SLC9A8: variants seen among roughly 807,000 people sequenced by gnomAD.
SLC9A8 encodes the protein solute carrier family 9 member A8.
SLC9A8 carries 48 observed loss-of-function variants against 66.6 expected under a neutral mutation model. The observed-to-expected ratio is 0.72, with a 90% CI of 0.57 to 0.92. The LOEUF is 0.92. Among genes scored for constraint, SLC9A8 ranks in the 40% least tolerant of loss-of-function variants. The pLI is 0.00. For synonymous variants in SLC9A8, 274 were observed against 282.6 expected (o/e 0.97, Z 0.31); for missense variants, 599 against 747.3 (o/e 0.80, Z 2.31).
intron 7 of SLC9A8, among the ~76,000 whole-genome samples, chr20:49,854,915 G>A (rs1048697729): frequency 1.3e-5 from 2 of 152,308 alleles, no homozygotes; most frequent in Non-Finnish European, 2.9e-5. Flanking sequence ...GCCCAGTTGG[G>A]AGATGGCCTC....
intron 2 of SLC9A8, 40 bp from the exon 3 acceptor site, chr20:49,823,021 G>C: frequency 6.6e-7 from 1 of 1,503,926 alleles, no homozygotes; most frequent in Non-Finnish European, 9.3e-7. Flanking sequence ...TCAGAATTGA[G>C]TGTTTTTTTT....
At chr20:49,830,386 T>C in intron 3 of SLC9A8, 1 of 840,616 alleles carries the variant, frequency 1.2e-6, no homozygotes, top group Non-Finnish European at 2.1e-6. Context: ...GCTGAAGTCC[T>C]CTCAACCTGT....
At chr20:49,825,563 G>A (rs1192769956) in intron 3 of SLC9A8, among the ~76,000 whole-genome samples, 1 of 152,140 alleles carries the variant, frequency 6.6e-6, no homozygotes, top group Admixed American at 6.5e-5. Context: ...AACCACTTGA[G>A]TCCAGGAGGC....
intron 2 of SLC9A8, among the ~76,000 whole-genome samples, chr20:49,816,374 C>T (rs1457506636): frequency 1.3e-5 from 2 of 151,490 alleles, no homozygotes; most frequent in Non-Finnish European, 2.9e-5. Flanking sequence ...GAGCCAAGAT[C>T]GTGCCACTGT....
At position 49,817,274 on chromosome 20, in the gene SLC9A8, G is replaced by A. The variant is rs183113242; in HGVS notation, c.208+2085G>A. On this transcript the variant is annotated intron_variant, in intron 2 of 15. Coordinates refer to ENST00000361573, the MANE Select transcript of SLC9A8 (RefSeq NM_015266.3). Reference sequence around the variant, plus strand: ...AGAGGTTGCAGTAAGCCGAGATCGCGCCACTGCACTCCAGCCTGAGTGACA... The same window carrying A: ...AGAGGTTGCAGTAAGCCGAGATCGCACCACTGCACTCCAGCCTGAGTGACA... Among the ~76,000 whole-genome samples the A allele has an allele frequency of 4.7e-3, 713 of 151,820 alleles. 3 individuals carry two copies. Among genetic ancestry groups the A allele is most frequent in the African/African-American group, 0.017 (697 of 41,438 alleles).
At chr20:49,819,855 T>C (rs2086672532) in intron 2 of SLC9A8, among the ~76,000 whole-genome samples, 1 of 152,240 alleles carries the variant, frequency 6.6e-6, no homozygotes. Flanking sequence ...AGATTCATGT[T>C]ATAGCATATG....
chr20:49,817,161 A>G (rs6095677), intron 2 of SLC9A8, among the ~76,000 whole-genome samples: 12,989 of 151,798 alleles, frequency 0.086, 660 homozygotes, highest in Middle Eastern at 0.12. Flanking sequence ...TAAAAATACA[A>G]AAAATTTTAG....
chr20:49,872,054 G>A (rs181556226), intron 10 of SLC9A8, among the ~76,000 whole-genome samples: 7 of 152,258 alleles, frequency 4.6e-5, no homozygotes, highest in Admixed American at 6.5e-5. Context: ...GGGAGGCGGA[G>A]GTTGCATTGA....
intron 3 of SLC9A8, among the ~76,000 whole-genome samples, chr20:49,837,652 C>T (rs1327477717): frequency 1.3e-5 from 2 of 152,124 alleles, no homozygotes; most frequent in East Asian, 1.9e-4. Context: ...TCACTGCAAC[C>T]TCTGCCTCCT....
chr20:49,855,435 C>A lies in SLC9A8; in HGVS notation c.570-3C>A. ...AATCTCCCCTTCCCTCTGTCTCTTACAGTTTTGCGTTTGGCTCCCTAATAT... is the reference window on the plus strand; with the variant it reads ...AATCTCCCCTTCCCTCTGTCTCTTAAAGTTTTGCGTTTGGCTCCCTAATAT... On this transcript the variant is annotated splice_polypyrimidine_tract_variant and splice_region_variant and intron_variant, in intron 7 of 15. Transcript: ENST00000361573. 6.2e-7 allele frequency: 1 copy of A among 1,613,916 alleles called. No homozygotes were observed. Among genetic ancestry groups the A allele is most frequent in the South Asian group, 1.1e-5 (1 of 91,068 alleles).
intron 10 of SLC9A8, among the ~76,000 whole-genome samples, chr20:49,873,007 C>T (rs1271807077): frequency 2.0e-5 from 3 of 152,154 alleles, no homozygotes; most frequent in Non-Finnish European, 4.4e-5. Context: ...CTGTGAGTTC[C>T]TCAGGAGTGA....
intron 3 of SLC9A8, among the ~76,000 whole-genome samples, chr20:49,828,580 G>A (rs2087020751): frequency 6.7e-6 from 1 of 149,784 alleles, no homozygotes; most frequent in Non-Finnish European, 1.5e-5. Flanking sequence ...GCTCATGCCT[G>A]TAATCCCAGC....
Position 49,891,870 on chromosome 20 carries a change from A to C in SLC9A8, c.*3934A>C, listed in dbSNP as rs1004615307. 1.3e-5 allele frequency: 2 copies of C among 152,264 alleles called. No homozygotes were observed. The highest frequency in any genetic ancestry group is 2.9e-5 in the Non-Finnish European group (2 of 68,054). 9.4% of individuals were successfully genotyped at this position (152,264 alleles called of 1,614,324 possible). A position where few individuals can be genotyped will look rare whatever the true frequency, so the allele number is the denominator to read the frequency against. The stretch of plus-strand genomic sequence containing the variant: ...CAAATCTTGAATCGTCCTCAAAATG[A>C]CGAAGCTTGAATTGTCCTCAAGATG... On this transcript the variant is annotated 3_prime_UTR_variant, in exon 16 of 16. Transcript: ENST00000361573.
chr20:49,842,303 C>G (rs2046460985), intron 4 of SLC9A8, among the ~76,000 whole-genome samples: 2 of 151,636 alleles, frequency 1.3e-5, no homozygotes, highest in Admixed American at 1.3e-4. Context: ...CTCCTGACCT[C>G]ATGATCCATC....
intron 5 of SLC9A8, 83 bp downstream of exon 5, chr20:49,845,202 AT>A: frequency 2.0e-6 from 2 of 995,452 alleles, no homozygotes; most frequent in Non-Finnish European, 3.2e-6. Flanking sequence ...CTTGGGTATA[AT>A]TTAGCAGCAG....
At chr20:49,818,479 A>ATTTTT (rs758928369) in intron 2 of SLC9A8, among the ~76,000 whole-genome samples, 1 of 125,026 alleles carries the variant, frequency 8.0e-6, no homozygotes, top group Admixed American at 8.1e-5. Context: ...CAAACATTGA[A>ATTTTT]TTTTTTTTTT....
intron 13 of SLC9A8, among the ~76,000 whole-genome samples, chr20:49,882,958 C>T (rs966107864): frequency 2.6e-5 from 4 of 152,002 alleles, no homozygotes; most frequent in Admixed American, 6.5e-5. Flanking sequence ...AGCCTCCCCG[C>T]TTTCCTGTCT....
chr20:49,830,655 T>A (rs1176452055), intron 3 of SLC9A8: 3 of 642,728 alleles, frequency 4.7e-6, no homozygotes, highest in Non-Finnish European at 8.5e-6. Flanking sequence ...CAGGGGCCTA[T>A]AGGAGGACTG....
In SLC9A8 at chr20:49,815,201, C is replaced by A; in HGVS notation, c.208+12C>A. The A allele has an allele frequency of 6.6e-7, 1 of 1,511,336 alleles. No individual in the cohort carries two copies. Among genetic ancestry groups the A allele is most frequent in the Non-Finnish European group, 8.9e-7 (1 of 1,125,112 alleles). 93.6% of individuals were successfully genotyped at this position (1,511,336 alleles called of 1,614,324 possible). A position where few individuals can be genotyped will look rare whatever the true frequency, so the allele number is the denominator to read the frequency against. Reference sequence around the variant, plus strand: ...CCTCCTTGTCCTAGGTGAATATGGACACTGTCATCCCCATCATCTGCCATC... The same window carrying A: ...CCTCCTTGTCCTAGGTGAATATGGAAACTGTCATCCCCATCATCTGCCATC... On this transcript the variant is annotated intron_variant, in intron 2 of 15. Transcript: ENST00000361573.
Sources: gnomAD v4.1 joint callset for allele counts (sites outside exome capture counted in the v4.1 genomes callset) on GRCh38, gnomAD v4.1.1 for gene constraint, MANE v1.5 for transcripts, NCBI Gene and HGNC (gene_info 2026-07-23, HGNC 2026-07-21) for gene names.